AGXT2: variants seen among roughly 807,000 people sequenced by gnomAD.
The protein encoded by AGXT2 is alanine--glyoxylate aminotransferase 2, mitochondrial.
AGXT2 carries 61 observed loss-of-function variants against 62.5 expected under a neutral mutation model. The observed-to-expected ratio is 0.98, with a 90% CI of 0.79 to 1.21. The LOEUF (loss-of-function observed/expected upper bound fraction) is 1.21. AGXT2 is among the 50% of genes most tolerant of loss of function. The probability of loss-of-function intolerance (pLI) is 0.00; values close to 1 mark genes in which losing one functional copy is unlikely to be tolerated. For missense variants in AGXT2, 666 were observed against 641.5 expected, an observed-to-expected ratio of 1.04 and a Z score of -0.41; for synonymous variants, 243 against 218.7, an observed-to-expected ratio of 1.11 and a Z score of -0.98.
At position 35,033,467 on chromosome 5, in the gene AGXT2, C is replaced by G. The variant is rs1767649214; in HGVS notation, c.668G>C (p.Cys223Ser). Residue 223 changes from cysteine to serine, a missense_variant, in exon 6 of 14, where the codon TGC becomes TCC. Transcript: ENST00000231420. ...AAAAATCTCCAAACTCACTGGTTGG[C>G]AACCTGTCCCACCAGGGAGTTCCAT... ...YKMELPGGTG[C>S]QPTMCPDVFR... 6.2e-7 allele frequency: 1 copy of G among 1,612,062 alleles called. No individual in the cohort carries two copies. Among genetic ancestry groups the G allele is most frequent in the Non-Finnish European group, 8.5e-7 (1 of 1,178,186 alleles).
intron 12 of AGXT2, among the ~76,000 whole-genome samples, chr5:35,008,638 A>G (rs1157076412): frequency 6.6e-6 from 1 of 152,204 alleles, no homozygotes; most frequent in Non-Finnish European, 1.5e-5. Context: ...GTCTCATATT[A>G]CCCTTTGTTT....
At chr5:35,037,101 G>C (rs751011760) in intron 3 of AGXT2, 36 bp from the exon 4 acceptor site, 12 of 1,612,774 alleles carry the variant, frequency 7.4e-6, no homozygotes, top group Non-Finnish European at 9.3e-6. Context: ...CCTGCACTGC[G>C]TGCCACGTCC....
intron 1 of AGXT2, among the ~76,000 whole-genome samples, chr5:35,041,519 G>C (rs891254090): frequency 2.0e-5 from 3 of 152,084 alleles, no homozygotes; most frequent in Non-Finnish European, 4.4e-5. Flanking sequence ...ACAGACTTTG[G>C]CCCCCCTGCA....
chr5:35,000,311 A>C (rs1204256088), intron 13 of AGXT2, among the ~76,000 whole-genome samples: 1 of 151,604 alleles, frequency 6.6e-6, no homozygotes, highest in Non-Finnish European at 1.5e-5. Flanking sequence ...TTCTCTTCAT[A>C]CCTGTCCACG....
intron 9 of AGXT2, among the ~76,000 whole-genome samples, chr5:35,018,175 C>T (rs1408644023): frequency 1.3e-5 from 2 of 152,106 alleles, no homozygotes; most frequent in South Asian, 2.1e-4. Flanking sequence ...GAGAACTTCC[C>T]CAATCTAGCA....
chr5:35,019,732 C>G (rs890058696), intron 9 of AGXT2, among the ~76,000 whole-genome samples: 6 of 152,064 alleles, frequency 3.9e-5, no homozygotes, highest in African/African-American at 1.4e-4. Flanking sequence ...ATCAACAGAA[C>G]TGAAGGAAAT....
intron 12 of AGXT2, 62 bp downstream of exon 12, chr5:35,009,938 T>C: frequency 6.2e-7 from 1 of 1,607,988 alleles, no homozygotes; most frequent in Non-Finnish European, 8.5e-7. Context: ...TTAGCTGATG[T>C]TTCCTCCTAT....
intron 9 of AGXT2, among the ~76,000 whole-genome samples, chr5:35,020,559 T>C (rs985310279): frequency 2.0e-5 from 3 of 152,132 alleles, no homozygotes; most frequent in African/African-American, 7.2e-5. Context: ...AATTAGGTAT[T>C]GATGGGACGT....
intron 3 of AGXT2, 77 bp from the exon 4 acceptor site, chr5:35,037,142 AAT>A (rs1767807964): frequency 1.8e-5 from 29 of 1,602,350 alleles, no homozygotes; most frequent in Non-Finnish European, 2.4e-5. Context: ...ATTGGACCCA[AAT>A]ATACTGTTTT....
intron 1 of AGXT2, among the ~76,000 whole-genome samples, chr5:35,041,586 C>A (rs895775075): frequency 6.6e-6 from 1 of 152,036 alleles, no homozygotes; most frequent in African/African-American, 2.4e-5. Context: ...TGTCTAGAGA[C>A]CTTATAAGTA....
chr5:35,032,382 C>A (rs998424769), intron 7 of AGXT2, among the ~76,000 whole-genome samples: 1 of 152,180 alleles, frequency 6.6e-6, no homozygotes, highest in African/African-American at 2.4e-5. Context: ...CATGCCACCA[C>A]GCCCAGCTTG....
At position 35,040,561 on chromosome 5, in the gene AGXT2, G is replaced by A; in HGVS notation, c.177+14C>T. On this transcript the variant is annotated intron_variant, in intron 2 of 13. Transcript: ENST00000231420. ...AACTACCTCTTTGAGTTTTCTTAAA[G>A]CCCTGAATCTCACCTGGTATCTTTC... 6.2e-7 allele frequency: 1 copy of A among 1,609,532 alleles called. No individual in the cohort carries two copies. The highest frequency in any genetic ancestry group is 1.3e-5 in the African/African-American group (1 of 74,924).
rs369998881 is a variant in AGXT2, at chr5:35,039,520, C to T, written c.178-12G>A. Reference sequence around the variant, plus strand: ...TTGTAGCCAAGGGACTGTAGATAAACAAGATTTAAACCCACACACTTCTTA... The same window carrying T: ...TTGTAGCCAAGGGACTGTAGATAAATAAGATTTAAACCCACACACTTCTTA... On this transcript the variant is annotated splice_polypyrimidine_tract_variant and intron_variant, in intron 2 of 13. Transcript: ENST00000231420. 1 of 1,612,936 alleles carries T rather than the reference C, an allele frequency of 6.2e-7. No individual in the cohort carries two copies. The highest frequency in any genetic ancestry group is 8.5e-7 in the Non-Finnish European group (1 of 1,179,096).
At chr5:35,037,539 C>A (rs1428822406) in intron 3 of AGXT2, among the ~76,000 whole-genome samples, 1 of 150,950 alleles carries the variant, frequency 6.6e-6, no homozygotes, top group Non-Finnish European at 1.5e-5. Context: ...TCCCTTCCTC[C>A]CCTCCTTCTT....
At chr5:35,033,705 C>A (rs1767663292) in intron 5 of AGXT2, 152 bp from the exon 6 acceptor site, 1 of 670,968 alleles carries the variant, frequency 1.5e-6, no homozygotes. Flanking sequence ...TATGTCGGAT[C>A]AATGTACTTA....
intron 9 of AGXT2, among the ~76,000 whole-genome samples, chr5:35,024,995 A>G (rs1767271902): frequency 6.6e-6 from 1 of 152,124 alleles, no homozygotes. Context: ...AAACAAAAAA[A>G]CCCACATTAT....
intron 12 of AGXT2, among the ~76,000 whole-genome samples, chr5:35,004,916 T>C (rs4538595): frequency 0.4 from 60,067 of 151,996 alleles, 11,990 homozygotes; most frequent in Middle Eastern, 0.48. Context: ...CAGAATAAGA[T>C]GGGACCTCCT....
intron 9 of AGXT2, among the ~76,000 whole-genome samples, chr5:35,014,581 G>A (rs553443678): frequency 2.4e-4 from 36 of 151,856 alleles, no homozygotes; most frequent in African/African-American, 8.0e-4. Context: ...TGGACAAAGC[G>A]CTTAATTTGT....
intron 9 of AGXT2, among the ~76,000 whole-genome samples, chr5:35,025,306 G>A (rs1021671278): frequency 6.6e-6 from 1 of 152,218 alleles, no homozygotes; most frequent in African/African-American, 2.4e-5. Context: ...AACCCCAGGA[G>A]GCGGAGGTTG....
Sources: allele counts gnomAD v4.1 joint callset (sites outside exome capture counted in the v4.1 genomes callset), GRCh38; gene constraint gnomAD v4.1.1; transcripts MANE v1.5; gene names NCBI Gene and HGNC (gene_info 2026-07-23, HGNC 2026-07-21).